The following KLF12 variants were observed in gnomAD, a reference collection of about 807,000 sequenced individuals.
The protein encoded by KLF12 is KLF transcription factor 12.
KLF12 carries 9 observed loss-of-function variants against 37.8 expected under a neutral mutation model. The observed-to-expected ratio is 0.24, with a 90% CI of 0.14 to 0.42. The LOEUF (loss-of-function observed/expected upper bound fraction) is 0.42, where lower values mean the gene tolerates loss of function less well. Ranked by LOEUF, KLF12 falls within the 10% of genes least tolerant of loss-of-function variation. The pLI is 1.00. For missense variants in KLF12, 411 were observed against 516.0 expected, an observed-to-expected ratio of 0.80 and a Z score of 1.97; for synonymous variants, 208 against 202.1, an observed-to-expected ratio of 1.03 and a Z score of -0.25.
the KLF12 span, chr13:74,257,219 G>A: frequency 2.6e-5 from 4 of 152,226 alleles, no homozygotes; most frequent in East Asian, 1.9e-4. Flanking sequence ...ACCTGGAAGC[G>A]GCTGAAAATC....
At chr13:73,772,172 A>G (rs1387980381) in intron 5 of KLF12, among the ~76,000 whole-genome samples, 1 of 152,126 alleles carries the variant, frequency 6.6e-6, no homozygotes, top group Non-Finnish European at 1.5e-5. Flanking sequence ...TACTTAACCA[A>G]CATTTATTGT....
At chr13:73,825,799 C>T (rs1314142932) in intron 4 of KLF12, among the ~76,000 whole-genome samples, 1 of 152,102 alleles carries the variant, frequency 6.6e-6, no homozygotes, top group Non-Finnish European at 1.5e-5. Flanking sequence ...CCAAAGATGC[C>T]AGGTTACCTC....
At chr13:74,246,639 G>A in the KLF12 span, among the ~76,000 whole-genome samples, 5 of 152,198 alleles carry the variant, frequency 3.3e-5, no homozygotes, top group African/African-American at 4.8e-5. Context: ...ACATGAACCC[G>A]TGATGCCTCT....
intron 1 of KLF12, among the ~76,000 whole-genome samples, chr13:74,037,625 T>G (rs1164560130): frequency 6.6e-6 from 1 of 152,208 alleles, no homozygotes; most frequent in Non-Finnish European, 1.5e-5. Flanking sequence ...TTTTGCAACT[T>G]GATACATTTT....
chr13:74,211,655 C>A, the KLF12 span, among the ~76,000 whole-genome samples: 1 of 151,992 alleles, frequency 6.6e-6, no homozygotes, highest in Non-Finnish European at 1.5e-5. Flanking sequence ...TTTTAGGAGG[C>A]AAACATTTAT....
chr13:73,876,887 C>G (rs562417680), intron 3 of KLF12, among the ~76,000 whole-genome samples: 1 of 151,816 alleles, frequency 6.6e-6, no homozygotes, highest in Non-Finnish European at 1.5e-5. Context: ...TGGTGGCACA[C>G]GCCTGTAATC....
intron 6 of KLF12, among the ~76,000 whole-genome samples, chr13:73,728,197 G>T (rs1403314566): frequency 2.6e-5 from 4 of 152,060 alleles, no homozygotes; most frequent in African/African-American, 4.8e-5. Context: ...ATGTTCATAG[G>T]TATTTTCTTC....
At chr13:73,904,820 G>A (rs1221070806) in intron 3 of KLF12, among the ~76,000 whole-genome samples, 2 of 152,056 alleles carry the variant, frequency 1.3e-5, no homozygotes, top group Non-Finnish European at 2.9e-5. Context: ...TGACAGCACT[G>A]GGAGCCATAA....
At chr13:73,855,398 T>C (rs1394390290) in intron 3 of KLF12, among the ~76,000 whole-genome samples, 3 of 152,216 alleles carry the variant, frequency 2.0e-5, no homozygotes, top group Admixed American at 2.0e-4. Context: ...ACTTCATCCA[T>C]GTTGCTACAA....
intron 3 of KLF12, among the ~76,000 whole-genome samples, chr13:73,887,224 A>G (rs1887272433): frequency 6.6e-6 from 1 of 152,206 alleles, no homozygotes. Flanking sequence ...AAAGTCATTC[A>G]TAATAATAAA....
the KLF12 span, among the ~76,000 whole-genome samples, chr13:74,275,779 TTTCTTTCTTTCTTTCTTTCTTTCTTTCC>T: frequency 2.9e-5 from 2 of 68,700 alleles, no homozygotes; most frequent in African/African-American, 1.4e-4. Context: ...TGCCTGTCTT[TTTCTTTCTTTCTTTCTTTCTTTCTTTCC>T]TTCTTTCTTT....
rs548461213 is a variant in KLF12, at chr13:73,734,676, C to T, written c.870-19151G>A. On this transcript the variant is annotated intron_variant, in intron 6 of 7. Coordinates refer to ENST00000377669, the MANE Select transcript of KLF12 (RefSeq NM_007249.5). ...TCTATTGGTCAGTTAAGGAAAGAAACATCCACTGATATTCTGAATAATAGC... is the reference window on the plus strand; with the variant it reads ...TCTATTGGTCAGTTAAGGAAAGAAATATCCACTGATATTCTGAATAATAGC... Among the ~76,000 whole-genome samples, 64 of 152,222 alleles carry T rather than the reference C, an allele frequency of 4.2e-4. 1 individual carries two copies. Among genetic ancestry groups the T allele is most frequent in the African/African-American group, 1.4e-3 (60 of 41,516 alleles).
intron 1 of KLF12, among the ~76,000 whole-genome samples, chr13:74,127,916 A>T (rs1047196193): frequency 3.3e-5 from 5 of 152,182 alleles, no homozygotes; most frequent in African/African-American, 1.2e-4. Flanking sequence ...TACTGCTTGA[A>T]ATTATAGTAT....
At chr13:74,280,299 T>C in the KLF12 span, among the ~76,000 whole-genome samples, 13 of 152,288 alleles carry the variant, frequency 8.5e-5, no homozygotes, top group Admixed American at 2.6e-4. Flanking sequence ...CTAATGATCT[T>C]TTTGGGTAGA....
intron 2 of KLF12, among the ~76,000 whole-genome samples, chr13:73,960,659 C>T (rs1465783487): frequency 6.6e-6 from 1 of 152,110 alleles, no homozygotes; most frequent in East Asian, 1.9e-4. Context: ...TAATACAAAA[C>T]TTAAAAATAT....
intron 1 of KLF12, among the ~76,000 whole-genome samples, chr13:74,130,434 G>A (rs1311378511): frequency 1.3e-5 from 2 of 152,160 alleles, no homozygotes; most frequent in African/African-American, 4.8e-5. Flanking sequence ...TTTGGCAGGA[G>A]GTTTGCTTGA....
the KLF12 span, among the ~76,000 whole-genome samples, chr13:74,284,042 A>T: frequency 6.6e-6 from 1 of 151,936 alleles, no homozygotes; most frequent in Non-Finnish European, 1.5e-5. Context: ...TATTTTTAGT[A>T]GAGATGGAGT....
intron 2 of KLF12, among the ~76,000 whole-genome samples, chr13:73,958,982 T>C (rs1046002708): frequency 1.4e-4 from 22 of 152,090 alleles, no homozygotes; most frequent in African/African-American, 5.3e-4. Context: ...TTTGTATCTT[T>C]AGCACTGGCC....
At chr13:74,248,612 G>T in the KLF12 span, among the ~76,000 whole-genome samples, 1 of 152,242 alleles carries the variant, frequency 6.6e-6, no homozygotes, top group East Asian at 1.9e-4. Context: ...TTTTCTTATA[G>T]TCAGCTGTTT....
Sources: gnomAD v4.1 joint callset for allele counts (sites outside exome capture counted in the v4.1 genomes callset) on GRCh38, gnomAD v4.1.1 for gene constraint, MANE v1.5 for transcripts, NCBI Gene and HGNC (gene_info 2026-07-23, HGNC 2026-07-21) for gene names.